Variants in SMURF1 observed in about 807,000 individuals in gnomAD.
The protein encoded by SMURF1 is E3 ubiquitin-protein ligase SMURF1.
SMURF1 carries 44 observed loss-of-function variants against 98.0 expected under a neutral mutation model. That is an observed-to-expected ratio of 0.45 (90% CI 0.35 to 0.58). SMURF1 has a LOEUF of 0.58. Ranked by LOEUF, SMURF1 falls within the 20% of genes least tolerant of loss-of-function variation. SMURF1 has a pLI of 0.00. For synonymous variants in SMURF1, 396 were observed against 374.9 expected (o/e 1.06, Z -0.65); for missense variants, 687 against 938.4 (o/e 0.73, Z 3.50).
intron 1 of SMURF1, among the ~76,000 whole-genome samples, chr7:99,109,101 C>T (rs1378052110): frequency 6.6e-6 from 1 of 152,168 alleles, no homozygotes; most frequent in Admixed American, 6.5e-5. Flanking sequence ...TTGACTGACT[C>T]CCTGTTAACT....
At chr7:99,096,349 C>T (rs1247844430) in intron 1 of SMURF1, among the ~76,000 whole-genome samples, 4 of 152,182 alleles carry the variant, frequency 2.6e-5, no homozygotes, top group African/African-American at 4.8e-5. Context: ...TAAACAAATG[C>T]GTCAATATTC....
At chr7:99,054,964 TAAA>T (rs985334610) in intron 5 of SMURF1, 99 bp from the exon 6 acceptor site, 26 of 1,131,344 alleles carry the variant, frequency 2.3e-5, no homozygotes, top group Non-Finnish European at 3.2e-5. Context: ...TACAATATCA[TAAA>T]AAACGAGGCA....
At chr7:99,046,625 G>T (rs554485641) in intron 10 of SMURF1, among the ~76,000 whole-genome samples, 1 of 151,404 alleles carries the variant, frequency 6.6e-6, no homozygotes, top group Non-Finnish European at 1.5e-5. Context: ...CCAGCTACAC[G>T]GGAGGCTGAG....
At chr7:99,122,567 C>G (rs1240293754) in intron 1 of SMURF1, among the ~76,000 whole-genome samples, 6 of 150,530 alleles carry the variant, frequency 4.0e-5, no homozygotes, top group African/African-American at 1.5e-4. Context: ...TTGCTTGAAC[C>G]TGGGAGGCAG....
chr7:99,090,934 G>T (rs995461038), intron 1 of SMURF1, among the ~76,000 whole-genome samples: 2 of 152,176 alleles, frequency 1.3e-5, no homozygotes, highest in Non-Finnish European at 2.9e-5. Context: ...CTACGCTCTA[G>T]TTAGGGGGTT....
Position 99,057,557 on chromosome 7 carries a change from AAG to A in SMURF1, c.204-8_204-7del. The A allele has an allele frequency of 6.5e-7, 1 of 1,535,036 alleles. No homozygotes were observed. The highest frequency in any genetic ancestry group is 8.7e-7 in the Non-Finnish European group (1 of 1,148,668). On this transcript the variant is annotated splice_region_variant and splice_polypyrimidine_tract_variant and intron_variant, in intron 3 of 17. Transcript: ENST00000361368. ...AATCCGTTTTCCCAACATATCTGGA[AAG>A]AAAGTGCAAAACTCATTTTTAATTG...
intron 1 of SMURF1, among the ~76,000 whole-genome samples, chr7:99,088,775 G>A (rs1176868034): frequency 2.0e-5 from 3 of 152,170 alleles, no homozygotes; most frequent in Non-Finnish European, 4.4e-5. Context: ...TGTATTGTCA[G>A]AAATCAGTGC....
At chr7:99,140,281 CTTTTTTT>C (rs11421940) in intron 1 of SMURF1, among the ~76,000 whole-genome samples, 3 of 85,794 alleles carry the variant, frequency 3.5e-5, no homozygotes, top group African/African-American at 1.4e-4. Flanking sequence ...CTTCAGTATC[CTTTTTTT>C]TTTTTTTTTT....
In SMURF1 at chr7:99,057,411, T is replaced by G; in HGVS notation, c.337+7A>C. ...CATTAAGAGGCAGGAAAGTGTTTGG[T>G]TCTTACATCCGGTATCTTTTAATCT... On this transcript the variant is annotated splice_region_variant and intron_variant, in intron 4 of 17. Coordinates refer to ENST00000361368, the MANE Select transcript of SMURF1 (RefSeq NM_181349.3). 1 of 1,612,442 alleles carries G rather than the reference T, an allele frequency of 6.2e-7. No homozygotes were observed. The highest frequency in any genetic ancestry group is 8.5e-7 in the Non-Finnish European group (1 of 1,179,672).
intron 17 of SMURF1, among the ~76,000 whole-genome samples, chr7:99,032,144 G>A (rs147074692): frequency 6.6e-6 from 1 of 152,260 alleles, no homozygotes. Flanking sequence ...GTGTACATAA[G>A]ACCTGGCAGA....
intron 1 of SMURF1, among the ~76,000 whole-genome samples, chr7:99,077,000 A>T (rs1796477827): frequency 6.6e-6 from 1 of 151,736 alleles, no homozygotes. Context: ...TAATAAAAAA[A>T]AAAACAAAAA....
At position 99,030,641 on chromosome 7, in the gene SMURF1, C is replaced by T. The variant is rs1338684711; in HGVS notation, c.2139G>A (p.Lys713=). The change falls in exon 18 of 18, where the codon AAG becomes AAA. Residue 713 remains lysine (K), a synonymous_variant. Coordinates refer to ENST00000361368, the MANE Select transcript of SMURF1 (RefSeq NM_181349.3). ...CGGCTGTCAGCAGCTTCTCGTAGAG[C>T]TTCTCATAGGACTCATATGGTGGAA... The part of the protein sequence containing the change: ...IDIPPYESYE[K]LYEKLLTAVE... The T allele has an allele frequency of 1.9e-6, 3 of 1,614,162 alleles. No individual in the cohort carries two copies. Among genetic ancestry groups the T allele is most frequent in the Non-Finnish European group, 2.5e-6 (3 of 1,180,032 alleles).
At chr7:99,063,990 A>G (rs981557871) in intron 1 of SMURF1, among the ~76,000 whole-genome samples, 3 of 152,078 alleles carry the variant, frequency 2.0e-5, no homozygotes, top group Non-Finnish European at 4.4e-5. Context: ...GTGGTGTTAG[A>G]TTTTGTCAAA....
At chr7:99,109,806 A>C (rs1484769018) in intron 1 of SMURF1, among the ~76,000 whole-genome samples, 1 of 152,244 alleles carries the variant, frequency 6.6e-6, no homozygotes, top group Non-Finnish European at 1.5e-5. Context: ...TACAAGAAAA[A>C]GATATAAATG....
chr7:99,043,370 C>CG, intron 11 of SMURF1, among the ~76,000 whole-genome samples: 1 of 152,198 alleles, frequency 6.6e-6, no homozygotes, highest in South Asian at 2.1e-4. Context: ...CCACCGTTCT[C>CG]TAAGTATCAT....
At chr7:99,091,002 C>T (rs994342702) in intron 1 of SMURF1, among the ~76,000 whole-genome samples, 1 of 152,210 alleles carries the variant, frequency 6.6e-6, no homozygotes, top group African/African-American at 2.4e-5. Flanking sequence ...CCACACTAAT[C>T]AGTTTACTCA....
At chr7:99,137,964 G>A (rs1360964419) in intron 1 of SMURF1, among the ~76,000 whole-genome samples, 6 of 152,172 alleles carry the variant, frequency 3.9e-5, no homozygotes, top group Non-Finnish European at 7.3e-5. Flanking sequence ...TAGCTCCATG[G>A]CTTTCCTTTA....
intron 13 of SMURF1, among the ~76,000 whole-genome samples, chr7:99,038,962 G>A (rs1424698957): frequency 6.6e-6 from 1 of 152,014 alleles, no homozygotes; most frequent in African/African-American, 2.4e-5. Context: ...GGGATACCGA[G>A]GCGGGTGGAT....
At chr7:99,107,686 GCATA>G (rs1182726267) in intron 1 of SMURF1, among the ~76,000 whole-genome samples, 1 of 152,124 alleles carries the variant, frequency 6.6e-6, no homozygotes, top group Non-Finnish European at 1.5e-5. Context: ...GCACTAAACA[GCATA>G]CAGTTACAGG....
Sources: gnomAD v4.1 joint callset for allele counts (sites outside exome capture counted in the v4.1 genomes callset) on GRCh38, gnomAD v4.1.1 for gene constraint, MANE v1.5 for transcripts, NCBI Gene and HGNC (gene_info 2026-07-23, HGNC 2026-07-21) for gene names.